NELL1: variants seen among roughly 807,000 people sequenced by gnomAD.
NELL1 encodes the protein neural EGFL like 1, also known as protein kinase C-binding protein NELL1.
A neutral mutation model predicts 107.4 loss-of-function variants in NELL1; 76 were observed. The ratio of observed to expected loss-of-function variants is 0.71; its 90% CI spans 0.59 to 0.86. The LOEUF is 0.86. NELL1 is among the 40% of genes least tolerant of loss of function. The pLI, the probability that NELL1 is intolerant of heterozygous loss-of-function variation, is 0.00. For synonymous variants in NELL1, 353 were observed against 341.2 expected, an observed-to-expected ratio of 1.03 and a Z score of -0.38; for missense variants, 1,024 against 1,005.5, an observed-to-expected ratio of 1.02 and a Z score of -0.25.
intron 3 of NELL1, among the ~76,000 whole-genome samples, chr11:20,809,638 A>T (rs80211043): frequency 0.015 from 2,346 of 152,230 alleles, 74 homozygotes; most frequent in African/African-American, 0.053. Context: ...GTCTCTGTCT[A>T]CCAGGCTTAT....
At chr11:21,141,551 A>G (rs539923503) in intron 13 of NELL1, among the ~76,000 whole-genome samples, 1 of 152,270 alleles carries the variant, frequency 6.6e-6, no homozygotes, top group Admixed American at 6.5e-5. Context: ...ATTATGCTTC[A>G]GTGGATTTTA....
chr11:21,321,717 C>T (rs913361571), intron 14 of NELL1, among the ~76,000 whole-genome samples: 4 of 152,156 alleles, frequency 2.6e-5, no homozygotes, highest in Non-Finnish European at 5.9e-5. Flanking sequence ...GTCCAGGCCA[C>T]ACAGCTGATA....
chr11:21,543,213 T>C (rs79506959), intron 16 of NELL1, among the ~76,000 whole-genome samples: 1,856 of 152,206 alleles, frequency 0.012, 40 homozygotes, highest in East Asian at 0.077. Flanking sequence ...TAATATTTAG[T>C]GTGGTCTCAT....
intron 14 of NELL1, among the ~76,000 whole-genome samples, chr11:21,337,753 T>A (rs886842097): frequency 7.1e-6 from 1 of 141,464 alleles, no homozygotes; most frequent in African/African-American, 2.7e-5. Context: ...TCTTTCTTTC[T>A]TTCTTTCTTT....
chr11:21,464,402 CAAAA>C (rs60770584), intron 15 of NELL1, among the ~76,000 whole-genome samples: 133 of 136,076 alleles, frequency 9.8e-4, no homozygotes, highest in East Asian at 2.4e-3. Flanking sequence ...ATGTCCGTGG[CAAAA>C]AAAAAAAAAA....
intron 15 of NELL1, among the ~76,000 whole-genome samples, chr11:21,418,896 G>A: frequency 6.6e-6 from 1 of 152,112 alleles, no homozygotes; most frequent in Non-Finnish European, 1.5e-5. Flanking sequence ...ATCTTCATGA[G>A]CACGTAAAGT....
intron 14 of NELL1, among the ~76,000 whole-genome samples, chr11:21,278,048 TAA>T (rs36110638): frequency 9.3e-5 from 14 of 151,350 alleles, no homozygotes; most frequent in South Asian, 2.1e-4. Flanking sequence ...TGAAGTATAA[TAA>T]AAAAAAAAGA....
At chr11:21,381,609 A>G (rs1851608757) in intron 15 of NELL1, among the ~76,000 whole-genome samples, 1 of 151,914 alleles carries the variant, frequency 6.6e-6, no homozygotes, top group African/African-American at 2.4e-5. Flanking sequence ...TTGCCCAAGG[A>G]TACTCAGCAG....
intron 5 of NELL1, among the ~76,000 whole-genome samples, chr11:20,907,392 A>C (rs1241807976): frequency 1.3e-4 from 20 of 152,068 alleles, no homozygotes; most frequent in Non-Finnish European, 2.9e-5. Flanking sequence ...TGACAACCCA[A>C]CTGAAAAATG....
intron 2 of NELL1, among the ~76,000 whole-genome samples, chr11:20,770,540 A>G (rs1424787220): frequency 6.6e-6 from 1 of 152,166 alleles, no homozygotes; most frequent in Non-Finnish European, 1.5e-5. Flanking sequence ...TTCCCCAGGA[A>G]CCTGAATGCA....
intron 1 of NELL1, among the ~76,000 whole-genome samples, chr11:20,675,584 T>A (rs1401768170): frequency 6.6e-6 from 1 of 152,058 alleles, no homozygotes; most frequent in Non-Finnish European, 1.5e-5. Flanking sequence ...CAGACCACAT[T>A]CCAAATTCCT....
At chr11:20,975,888 TTA>T (rs1237969167) in intron 12 of NELL1, among the ~76,000 whole-genome samples, 10 of 124,244 alleles carry the variant, frequency 8.0e-5, no homozygotes, top group African/African-American at 2.2e-4. Context: ...TACATGTGTA[TTA>T]TATATACATA....
chr11:21,022,313 C>CAGA (rs1208934017), intron 12 of NELL1, among the ~76,000 whole-genome samples: 1 of 152,048 alleles, frequency 6.6e-6, no homozygotes, highest in Non-Finnish European at 1.5e-5. Flanking sequence ...AAATTATTAA[C>CAGA]AGAACCCTGT....
At chr11:21,528,770 A>G (rs1855923225) in intron 15 of NELL1, among the ~76,000 whole-genome samples, 1 of 152,182 alleles carries the variant, frequency 6.6e-6, no homozygotes, top group South Asian at 2.1e-4. Context: ...GTCATGTAAC[A>G]GAATCAGAAT....
intron 3 of NELL1, among the ~76,000 whole-genome samples, chr11:20,797,302 C>A (rs1344460197): frequency 2.6e-5 from 4 of 151,512 alleles, no homozygotes; most frequent in African/African-American, 7.3e-5. Flanking sequence ...CGGTGGCTCG[C>A]GCCTGTAATC....
At chr11:21,306,498 C>T (rs1189740322) in intron 14 of NELL1, among the ~76,000 whole-genome samples, 1 of 151,898 alleles carries the variant, frequency 6.6e-6, no homozygotes, top group Non-Finnish European at 1.5e-5. Context: ...ATCTGTTTTC[C>T]ACATATACTA....
intron 15 of NELL1, among the ~76,000 whole-genome samples, chr11:21,525,716 A>G (rs2133961139): frequency 6.6e-6 from 1 of 152,328 alleles, no homozygotes; most frequent in African/African-American, 2.4e-5. Context: ...GGTGAATGAG[A>G]AGAAAAGTCA....
At chr11:21,092,563 C>G (rs1854546258) in intron 12 of NELL1, among the ~76,000 whole-genome samples, 1 of 151,824 alleles carries the variant, frequency 6.6e-6, no homozygotes, top group Non-Finnish European at 1.5e-5. Context: ...AATATATGCC[C>G]CCTAGAGAGG....
intron 13 of NELL1, among the ~76,000 whole-genome samples, chr11:21,161,944 CTTTTTTTTTTT>C (rs34422649): frequency 2.4e-5 from 2 of 83,062 alleles, no homozygotes; most frequent in Non-Finnish European, 4.2e-5. Flanking sequence ...GGAACATAAT[CTTTTTTTTTTT>C]TTTTTTTTTT....
Sources: allele counts gnomAD v4.1 joint callset (sites outside exome capture counted in the v4.1 genomes callset), GRCh38; gene constraint gnomAD v4.1.1; transcripts MANE v1.5; gene names NCBI Gene and HGNC (gene_info 2026-07-23, HGNC 2026-07-21).